Variants in RILPL2 observed in about 807,000 individuals in gnomAD.
The protein encoded by RILPL2 is RILP-like protein 2.
A neutral mutation model predicts 22.2 loss-of-function variants in RILPL2; 19 were observed. The observed-to-expected ratio is 0.86, with a 90% CI of 0.60 to 1.25. The LOEUF (loss-of-function observed/expected upper bound fraction) is 1.25. Among genes scored for constraint, RILPL2 ranks in the 50% most tolerant of loss-of-function variants. The pLI, the probability that RILPL2 is intolerant of heterozygous loss-of-function variation, is 0.00. For synonymous variants in RILPL2, 123 were observed against 111.6 expected, an observed-to-expected ratio of 1.10 and a Z score of -0.64; for missense variants, 243 against 263.6, an observed-to-expected ratio of 0.92 and a Z score of 0.54.
intron 3 of RILPL2, among the ~76,000 whole-genome samples, chr12:123,419,908 C>T (rs1879229882): frequency 6.9e-6 from 1 of 144,968 alleles, no homozygotes. Flanking sequence ...ATTCTCCTGC[C>T]TCAGCCTCCC....
intron 2 of RILPL2, among the ~76,000 whole-genome samples, chr12:123,428,519 C>CTT (rs893758894): frequency 1.3e-5 from 2 of 152,228 alleles, no homozygotes; most frequent in African/African-American, 4.8e-5. Context: ...AATGTGGGTT[C>CTT]TTACAACGCT....
chr12:123,415,959 G>A (rs942385731), intron 3 of RILPL2, 38 bp from the exon 4 acceptor site: 4 of 1,612,702 alleles, frequency 2.5e-6, no homozygotes, highest in Non-Finnish European at 3.4e-6. Context: ...GTAAGCAGAA[G>A]GAACAAAGCA....
intron 2 of RILPL2, among the ~76,000 whole-genome samples, chr12:123,430,192 G>A (rs916353139): frequency 3.3e-5 from 5 of 149,886 alleles, no homozygotes; most frequent in East Asian, 2.0e-4. Flanking sequence ...GGCAGATCAG[G>A]AGGTCAGGAG....
chr12:123,423,063 TCTC>T lies in RILPL2; in HGVS notation c.583_585del (p.Glu195del), dbSNP rs747581818. ...ACTTACAGCTTTTTTATGATTGTCT[TCTC>T]CTCCTTGTTCCTGCCAGCATTTTTG... On this transcript the variant is annotated inframe_deletion, in exon 3 of 4. Coordinates refer to ENST00000280571, the MANE Select transcript of RILPL2 (RefSeq NM_145058.3). 23 of 1,613,164 alleles carry T rather than the reference TCTC, an allele frequency of 1.4e-5. No homozygotes were observed. Among genetic ancestry groups the T allele is most frequent in the Admixed American group, 1.3e-4 (8 of 59,930 alleles).
At position 123,428,045 on chromosome 12, in the gene RILPL2, A is replaced by G. The variant is rs77683380; in HGVS notation, c.491+2463T>C. Among the ~76,000 whole-genome samples the G allele has an allele frequency of 1.4e-3, 214 of 152,354 alleles. 2 individuals carry two copies. The East Asian group carries it at 0.031, about 22-fold the overall frequency. On this transcript the variant is annotated intron_variant, in intron 2 of 3. Transcript: ENST00000280571. Reference sequence around the variant, plus strand: ...TCTCTGAGAATTCAAAACTAGAAAGAAAGTGTGTGGTTTTGCCCACTAACA... The same window carrying G: ...TCTCTGAGAATTCAAAACTAGAAAGGAAGTGTGTGGTTTTGCCCACTAACA...
chr12:123,424,425 G>A (rs865833556), intron 2 of RILPL2, among the ~76,000 whole-genome samples: 2 of 147,518 alleles, frequency 1.4e-5, no homozygotes, highest in Non-Finnish European at 1.5e-5. Flanking sequence ...TCTGCCTCCC[G>A]GGTTCAAATG....
chr12:123,430,387 C>A, intron 2 of RILPL2, 121 bp downstream of exon 2: 12 of 959,428 alleles, frequency 1.3e-5, no homozygotes, highest in South Asian at 1.2e-4. Flanking sequence ...CCAGCCTGGG[C>A]GACAGAGCGA....
At chr12:123,421,671 CTTTTT>C (rs561071129) in intron 3 of RILPL2, among the ~76,000 whole-genome samples, 1 of 135,782 alleles carries the variant, frequency 7.4e-6, no homozygotes, top group Admixed American at 7.5e-5. Context: ...TGGGTTATTC[CTTTTT>C]TTTTTTTTTT....
chr12:123,430,253 C>CAA (rs990683289), intron 2 of RILPL2, among the ~76,000 whole-genome samples: 1 of 150,442 alleles, frequency 6.6e-6, no homozygotes, highest in Non-Finnish European at 1.5e-5. Flanking sequence ...ACTAAAAATA[C>CAA]AAAAAATTAG....
intron 2 of RILPL2, among the ~76,000 whole-genome samples, chr12:123,427,746 T>C (rs1018328976): frequency 6.6e-6 from 1 of 152,112 alleles, no homozygotes; most frequent in Non-Finnish European, 1.5e-5. Context: ...AGTTTCACCA[T>C]GTTGCCCAGG....
chr12:123,413,628 G>C (rs369654630), downstream of RILPL2: 2 of 152,368 alleles, frequency 1.3e-5, no homozygotes, highest in Middle Eastern at 3.4e-3. Context: ...AAAGAACAAA[G>C]CTTCCACAAT....
downstream of RILPL2, chr12:123,411,054 T>TTTTTTTTG (rs1878960459): frequency 6.6e-6 from 1 of 151,854 alleles, no homozygotes; most frequent in African/African-American, 2.4e-5. Flanking sequence ...TTATTTTTTT[T>TTTTTTTTG]TTGAGATGGA....
downstream of RILPL2, chr12:123,412,717 A>C (rs1055804393): frequency 6.6e-6 from 1 of 152,220 alleles, no homozygotes; most frequent in African/African-American, 2.4e-5. Flanking sequence ...AGTATGTGAG[A>C]CAGCATCGGA....
chr12:123,430,560 T>G lies in RILPL2; in HGVS notation c.439A>C (p.Lys147Gln). The change falls in exon 2 of 4, where the codon AAA (lysine) becomes CAA (glutamine). Residue 147 changes from lysine (K) to glutamine (Q), a missense_variant. Physicochemically the swap from Lys to Gln is moderately conservative, Grantham distance 53 (BLOSUM62 1). Transcript: ENST00000280571. ...ELRDVLQERN[K>Q]LKSQLLVVQE... ...ACCACCAGGAGCTGCGACTTGAGTT[T>G]GTTGCGTTCCTGCAGCACATCCCTT... 1 of 1,613,150 alleles carries G rather than the reference T, an allele frequency of 6.2e-7. No homozygotes were observed. Among genetic ancestry groups the G allele is most frequent in the East Asian group, 2.2e-5 (1 of 44,816 alleles).
At chr12:123,430,792 C>T (rs890418615) in intron 1 of RILPL2, 133 bp from the exon 2 acceptor site, 17 of 622,248 alleles carry the variant, frequency 2.7e-5, no homozygotes, top group East Asian at 7.5e-5. Context: ...CCTGCAACTT[C>T]GGGCTCCCAG....
At chr12:123,429,998 C>G (rs1288979289) in intron 2 of RILPL2, among the ~76,000 whole-genome samples, 1 of 147,482 alleles carries the variant, frequency 6.8e-6, no homozygotes, top group Non-Finnish European at 1.5e-5. Flanking sequence ...CACCTGTGGT[C>G]TCAGCTACTT....
In RILPL2 at chr12:123,419,171, C is replaced by T. The variant is rs917309357; in HGVS notation, c.606-3250G>A. Among the ~76,000 whole-genome samples, 7 of 151,000 alleles carry T rather than the reference C, an allele frequency of 4.6e-5. No individual in the cohort carries two copies. The South Asian group carries it at 8.4e-4, about 18-fold the overall frequency. ...GAATACAGGCGCCCACTACCATGCC[C>T]GGCTAATTTTTTGTATTTTTAGTGG... On this transcript the variant is annotated intron_variant, in intron 3 of 3. Coordinates refer to ENST00000280571, the MANE Select transcript of RILPL2 (RefSeq NM_145058.3).
At chr12:123,429,249 C>A (rs1285945031) in intron 2 of RILPL2, among the ~76,000 whole-genome samples, 1 of 151,992 alleles carries the variant, frequency 6.6e-6, no homozygotes, top group East Asian at 1.9e-4. Context: ...TTCAGGCTCC[C>A]TAAGTGCTGG....
chr12:123,419,556 G>C (rs1041475603), intron 3 of RILPL2, among the ~76,000 whole-genome samples: 9 of 151,340 alleles, frequency 5.9e-5, no homozygotes, highest in Non-Finnish European at 1.2e-4. Flanking sequence ...GAAACTGCCT[G>C]TTGCTCCAGT....
Sources: gnomAD v4.1 joint callset for allele counts (sites outside exome capture counted in the v4.1 genomes callset) on GRCh38, gnomAD v4.1.1 for gene constraint, MANE v1.5 for transcripts, NCBI Gene and HGNC (gene_info 2026-07-23, HGNC 2026-07-21) for gene names.